FGD4: variants seen among roughly 807,000 people sequenced by gnomAD.
FGD4 encodes the protein FYVE, RhoGEF and PH domain-containing protein 4.
Under a neutral mutation model 102.0 loss-of-function variants are expected in FGD4, and 42 were observed. The ratio of observed to expected loss-of-function variants is 0.41; its 90% CI spans 0.32 to 0.53. The LOEUF (loss-of-function observed/expected upper bound fraction) is 0.53, where lower values mean the gene tolerates loss of function less well. FGD4 is among the 20% of genes least tolerant of loss of function. The probability of loss-of-function intolerance (pLI) is 0.21; values close to 1 mark genes in which losing one functional copy is unlikely to be tolerated. For missense variants in FGD4, 902 were observed against 1,078.2 expected, an observed-to-expected ratio of 0.84 and a Z score of 2.29; for synonymous variants, 380 against 375.7, an observed-to-expected ratio of 1.01 and a Z score of -0.13.
intron 15 of FGD4, 111 bp from the exon 16 acceptor site, chr12:32,638,544 C>A: frequency 7.1e-7 from 1 of 1,405,122 alleles, no homozygotes; most frequent in Non-Finnish European, 9.9e-7. Context: ...GCAAATGAAT[C>A]TTTTTTGGAT....
rs10844252 is a variant in FGD4, at chr12:32,610,641, G to A, written c.1544-135G>A. On this transcript the variant is annotated intron_variant, in intron 8 of 16. Transcript: ENST00000534526. ...AAATGAACTTTAGAAAGTATATACC[G>A]TTTATAAATGGAAAATGCCACTATT... 0.3 allele frequency: 221,583 copies of A among 746,926 alleles called. 34,370 individuals are homozygous for A. Among genetic ancestry groups the A allele is most frequent in the South Asian group, 0.41 (24,805 of 60,314 alleles). 46.3% of individuals were successfully genotyped at this position (746,926 alleles called of 1,614,324 possible). A position where few individuals can be genotyped will look rare whatever the true frequency, so the allele number is the denominator to read the frequency against.
At chr12:32,400,322 G>A (rs575839370) in intron 1 of FGD4, among the ~76,000 whole-genome samples, 40 of 152,288 alleles carry the variant, frequency 2.6e-4, no homozygotes, top group South Asian at 1.4e-3. Flanking sequence ...TTGGGCAGCC[G>A]TGGTGGAGGC....
chr12:32,624,525 G>A, intron 12 of FGD4, 73 bp downstream of exon 12: 1 of 1,249,772 alleles, frequency 8.0e-7, no homozygotes, highest in Non-Finnish European at 1.1e-6. Context: ...CCAGTCTGGA[G>A]TGCAGTGGTG....
chr12:32,405,439 A>G (rs578184979), intron 1 of FGD4, among the ~76,000 whole-genome samples: 2 of 150,440 alleles, frequency 1.3e-5, no homozygotes, highest in Non-Finnish European at 3.0e-5. Context: ...TTGTATTTTT[A>G]GTAGAGATGG....
At chr12:32,461,748 AT>A (rs1279505099) in intron 1 of FGD4, among the ~76,000 whole-genome samples, 1 of 152,070 alleles carries the variant, frequency 6.6e-6, no homozygotes, top group Non-Finnish European at 1.5e-5. Flanking sequence ...TGTTTTTTAG[AT>A]GGAGTCTTGC....
chr12:32,624,223 C>T (rs1422397255), intron 11 of FGD4, among the ~76,000 whole-genome samples, 199 bp from the exon 12 acceptor site: 1 of 152,034 alleles, frequency 6.6e-6, no homozygotes, highest in Non-Finnish European at 1.5e-5. Context: ...TTATGTGTAC[C>T]AAAGTCAGTG....
chr12:32,578,671 A>T (rs1041596401), intron 3 of FGD4, among the ~76,000 whole-genome samples: 1 of 152,026 alleles, frequency 6.6e-6, no homozygotes, highest in African/African-American at 2.4e-5. Flanking sequence ...CTCTACAAAA[A>T]ATACAAAAAT....
intron 1 of FGD4, among the ~76,000 whole-genome samples, chr12:32,497,923 G>A (rs1018066985): frequency 6.6e-6 from 1 of 151,920 alleles, no homozygotes; most frequent in Non-Finnish European, 1.5e-5. Flanking sequence ...TCTTCTTCTC[G>A]ACTCAGTGAG....
At chr12:32,444,392 C>T (rs376320721) in intron 1 of FGD4, among the ~76,000 whole-genome samples, 1 of 151,856 alleles carries the variant, frequency 6.6e-6, no homozygotes, top group East Asian at 1.9e-4. Flanking sequence ...CTGAATTAAG[C>T]AATTTTTTTT....
chr12:32,597,712 T>C (rs1000018824), intron 4 of FGD4, among the ~76,000 whole-genome samples: 1 of 152,128 alleles, frequency 6.6e-6, no homozygotes, highest in Non-Finnish European at 1.5e-5. Context: ...CTTAAATAAA[T>C]ACATACTGAA....
At chr12:32,589,223 T>A (rs1947281912) in intron 4 of FGD4, among the ~76,000 whole-genome samples, 1 of 152,250 alleles carries the variant, frequency 6.6e-6, no homozygotes, top group Non-Finnish European at 1.5e-5. Flanking sequence ...TGAATCAAGA[T>A]CAATAGACTC....
chr12:32,483,564 A>G (rs918811322), intron 1 of FGD4, among the ~76,000 whole-genome samples: 3 of 152,350 alleles, frequency 2.0e-5, no homozygotes, highest in Non-Finnish European at 4.4e-5. Context: ...CAGCATACTC[A>G]TGAGGATCCT....
At chr12:32,585,604 G>A (rs975774767) in intron 4 of FGD4, among the ~76,000 whole-genome samples, 2 of 151,910 alleles carry the variant, frequency 1.3e-5, no homozygotes, top group African/African-American at 2.4e-5. Flanking sequence ...GGGAGGCTAC[G>A]GCAGAGGATC....
intron 1 of FGD4, among the ~76,000 whole-genome samples, chr12:32,480,814 T>TA (rs1180055007): frequency 4.7e-5 from 7 of 147,406 alleles, no homozygotes; most frequent in East Asian, 4.0e-4. Flanking sequence ...TTTTTTTTTT[T>TA]AAATCTTGAG....
chr12:32,643,431 AG>A lies in FGD4; in HGVS notation c.*2902del, dbSNP rs1249720383. On this transcript the variant is annotated 3_prime_UTR_variant, in exon 17 of 17. Coordinates refer to ENST00000534526, the MANE Select transcript of FGD4 (RefSeq NM_001370298.3). ...CAGAGTATAAGGAAGGGAAATGGGA[AG>A]GGGCATCATTCCTTGGATTTTAAAT... is the stretch of plus-strand genomic sequence containing the variant. The A allele has an allele frequency of 6.6e-6, 1 of 151,786 alleles. No homozygotes were observed. Among genetic ancestry groups the A allele is most frequent in the African/African-American group, 2.4e-5 (1 of 41,420 alleles). The allele number at this position is 151,786 out of a possible 1,614,324, so 9.4% of individuals were successfully genotyped here.
chr12:32,470,249 A>G (rs1208408546), intron 1 of FGD4, among the ~76,000 whole-genome samples: 2 of 152,046 alleles, frequency 1.3e-5, no homozygotes, highest in Admixed American at 1.3e-4. Flanking sequence ...CATAAGATGG[A>G]CCAAAAGACA....
chr12:32,400,517 A>G (rs1301256130), intron 1 of FGD4, among the ~76,000 whole-genome samples: 6 of 152,232 alleles, frequency 3.9e-5, no homozygotes, highest in Non-Finnish European at 7.3e-5. Flanking sequence ...TCATGTTAAT[A>G]GGTTCAGATG....
intron 1 of FGD4, among the ~76,000 whole-genome samples, chr12:32,485,443 T>TG (rs1943868270): frequency 6.8e-6 from 1 of 147,008 alleles, no homozygotes; most frequent in Admixed American, 6.8e-5. Flanking sequence ...CCAATTTTTT[T>TG]TTTTTTTTTT....
At chr12:32,537,276 T>C (rs1250633069) in intron 1 of FGD4, among the ~76,000 whole-genome samples, 1 of 152,214 alleles carries the variant, frequency 6.6e-6, no homozygotes, top group South Asian at 2.1e-4. Flanking sequence ...TTTTCTCTTA[T>C]GTACAATCTG....
Sources: allele counts gnomAD v4.1 joint callset (sites outside exome capture counted in the v4.1 genomes callset), GRCh38; gene constraint gnomAD v4.1.1; transcripts MANE v1.5; gene names NCBI Gene and HGNC (gene_info 2026-07-23, HGNC 2026-07-21).